The following CCDC12 variants were observed in gnomAD, a reference collection of about 807,000 sequenced individuals.
CCDC12 encodes coiled-coil domain containing 12.
Under a neutral mutation model 25.7 loss-of-function variants are expected in CCDC12, and 28 were observed. That is an observed-to-expected ratio of 1.09 (90% CI 0.81 to 1.50). CCDC12 has a LOEUF of 1.50. CCDC12 is among the 40% of genes most tolerant of loss of function. The pLI, the probability that CCDC12 is intolerant of heterozygous loss-of-function variation, is 0.00. For synonymous variants in CCDC12, 75 were observed against 87.7 expected (o/e 0.86, Z 0.81); for missense variants, 198 against 210.0 (o/e 0.94, Z 0.35).
chr3:46,951,571 G>A (rs1165041633), intron 1 of CCDC12, among the ~76,000 whole-genome samples: 2 of 150,396 alleles, frequency 1.3e-5, no homozygotes, highest in Admixed American at 6.6e-5. Flanking sequence ...ACGAGGTCAG[G>A]AGATCAAGAC....
At chr3:46,928,967 G>A (rs2033093585) in intron 2 of CCDC12, among the ~76,000 whole-genome samples, 1 of 152,024 alleles carries the variant, frequency 6.6e-6, no homozygotes, top group Non-Finnish European at 1.5e-5. Context: ...TCCAGCCTAG[G>A]TGACAAAGCA....
intron 1 of CCDC12, among the ~76,000 whole-genome samples, chr3:46,964,009 A>C (rs963932509): frequency 1.3e-4 from 19 of 151,714 alleles, no homozygotes; most frequent in Non-Finnish European, 2.6e-4. Flanking sequence ...CTAGGAAGTG[A>C]GGAGCGTCTC....
At chr3:46,964,331 G>T (rs1013906284) in intron 1 of CCDC12, among the ~76,000 whole-genome samples, 4 of 148,554 alleles carry the variant, frequency 2.7e-5, no homozygotes, top group South Asian at 2.2e-4. Flanking sequence ...GGAGGGAGGT[G>T]GGGGGTCAGC....
chr3:46,970,258 T>C, intron 1 of CCDC12, among the ~76,000 whole-genome samples: 1 of 134,028 alleles, frequency 7.5e-6, no homozygotes, highest in East Asian at 2.2e-4. Context: ...TAAACTTTCC[T>C]AAAACATTAT....
At chr3:46,961,583 A>G (rs1397470019) in intron 1 of CCDC12, among the ~76,000 whole-genome samples, 4 of 152,248 alleles carry the variant, frequency 2.6e-5, no homozygotes, top group Non-Finnish European at 4.4e-5. Flanking sequence ...TCAGAGTCAC[A>G]GGACGCAGCA....
intron 2 of CCDC12, among the ~76,000 whole-genome samples, chr3:46,927,707 C>G (rs1028785044): frequency 1.3e-5 from 2 of 152,234 alleles, no homozygotes. Context: ...AACATTACGG[C>G]TGTGCTGGGT....
chr3:46,946,659 T>A (rs1024268472), intron 1 of CCDC12, among the ~76,000 whole-genome samples: 1 of 152,208 alleles, frequency 6.6e-6, no homozygotes, highest in Non-Finnish European at 1.5e-5. Flanking sequence ...TGTGGTAGCC[T>A]ACAAGATGTG....
chr3:46,923,510 G>C, intron 4 of CCDC12, 97 bp downstream of exon 4: 3 of 1,460,938 alleles, frequency 2.1e-6, no homozygotes, highest in Non-Finnish European at 2.8e-6. Flanking sequence ...GAATAAAGAA[G>C]TGACGAGAAG....
At chr3:46,967,046 G>A (rs375418037) in intron 1 of CCDC12, among the ~76,000 whole-genome samples, 7 of 152,194 alleles carry the variant, frequency 4.6e-5, no homozygotes, top group African/African-American at 1.7e-4. Flanking sequence ...TCACCAGAGG[G>A]CCTCGTCTAG....
upstream of CCDC12, chr3:46,976,891 T>G (rs1187647638): frequency 5.5e-6 from 7 of 1,268,762 alleles, no homozygotes; most frequent in South Asian, 4.9e-5. Context: ...CCTCCCCGCC[T>G]TGCCCCGCCC....
At chr3:46,967,558 C>T (rs536299573) in intron 1 of CCDC12, among the ~76,000 whole-genome samples, 4 of 152,250 alleles carry the variant, frequency 2.6e-5, no homozygotes, top group South Asian at 2.1e-4. Flanking sequence ...GTGGTCTTCC[C>T]AGCCTGGGCA....
chr3:46,976,748 C>T (rs769155872), upstream of CCDC12: 6 of 1,595,736 alleles, frequency 3.8e-6, no homozygotes, highest in Non-Finnish European at 4.3e-6. Flanking sequence ...CCGCGTACGC[C>T]CCTCCTTTTC....
upstream of CCDC12, among the ~76,000 whole-genome samples, chr3:46,977,718 C>A (rs1411382739): frequency 5.3e-5 from 8 of 152,164 alleles, no homozygotes; most frequent in Admixed American, 5.2e-4. Flanking sequence ...CCTCCTGGAG[C>A]AGCAAAGTCC....
At chr3:46,955,672 G>A (rs2034268387) in intron 1 of CCDC12, among the ~76,000 whole-genome samples, 1 of 152,226 alleles carries the variant, frequency 6.6e-6, no homozygotes, top group African/African-American at 2.4e-5. Context: ...TGAGAACCTG[G>A]AGGACAGGTA....
chr3:46,928,870 T>C (rs929168012), intron 2 of CCDC12, among the ~76,000 whole-genome samples: 6 of 152,298 alleles, frequency 3.9e-5, no homozygotes, highest in Admixed American at 3.9e-4. Flanking sequence ...CTTGTGTCTG[T>C]AATCCCAGCT....
chr3:46,976,391 G>A (rs2034990124), intron 1 of CCDC12: 1 of 1,396,816 alleles, frequency 7.2e-7, no homozygotes, highest in African/African-American at 1.5e-5. Context: ...GATGGACTGC[G>A]GGTCGCTGAC....
At chr3:46,941,155 A>G (rs2033686431) in intron 1 of CCDC12, 90 bp from the exon 2 acceptor site, 2 of 1,256,094 alleles carry the variant, frequency 1.6e-6, no homozygotes, top group African/African-American at 1.5e-5. Flanking sequence ...AGGACATCTC[A>G]GAAGGGGGGC....
chr3:46,976,625 C>T lies in CCDC12; in HGVS notation c.96+12G>A. The T allele has an allele frequency of 6.2e-7, 1 of 1,607,486 alleles. No individual in the cohort carries two copies. The highest frequency in any genetic ancestry group is 8.5e-7 in the Non-Finnish European group (1 of 1,177,036). Reference sequence around the variant, plus strand: ...GACGCCTCAACTGCGACCCTCACTCCACACTTCTCACCTTGCGCCCGGTTT... The same window carrying T: ...GACGCCTCAACTGCGACCCTCACTCTACACTTCTCACCTTGCGCCCGGTTT... On this transcript the variant is annotated intron_variant, in intron 1 of 6. Coordinates refer to ENST00000683445, the MANE Select transcript of CCDC12 (RefSeq NM_001277074.2).
At chr3:46,934,083 T>C (rs575108781) in intron 2 of CCDC12, among the ~76,000 whole-genome samples, 27 of 151,990 alleles carry the variant, frequency 1.8e-4, no homozygotes, top group Non-Finnish European at 2.8e-4. Context: ...CAGCACCCGG[T>C]TGTAAATATC....
Sources: allele counts gnomAD v4.1 joint callset (sites outside exome capture counted in the v4.1 genomes callset), GRCh38; gene constraint gnomAD v4.1.1; transcripts MANE v1.5; gene names NCBI Gene and HGNC (gene_info 2026-07-23, HGNC 2026-07-21).